DPH6: variants seen among roughly 807,000 people sequenced by gnomAD.
DPH6 encodes diphthine--ammonia ligase.
In DPH6, 33 loss-of-function variants were observed where a neutral mutation model predicts 38.2. That is an observed-to-expected ratio of 0.86 (90% CI 0.65 to 1.15). The LOEUF is 1.15. Ranked by LOEUF, DPH6 falls within the 50% of genes most tolerant of loss-of-function variation. DPH6 has a pLI of 0.00. For missense variants in DPH6, 325 were observed against 320.0 expected, an observed-to-expected ratio of 1.02 and a Z score of -0.12; for synonymous variants, 108 against 103.0, an observed-to-expected ratio of 1.05 and a Z score of -0.30.
the DPH6 span, among the ~76,000 whole-genome samples, chr15:35,150,810 A>C: frequency 1.3e-5 from 2 of 152,248 alleles, no homozygotes; most frequent in Admixed American, 6.5e-5. Flanking sequence ...ACTCGAAAGA[A>C]TCATAGAGAT....
the DPH6 span, among the ~76,000 whole-genome samples, chr15:35,184,700 G>A: frequency 2.6e-5 from 4 of 152,100 alleles, no homozygotes; most frequent in African/African-American, 9.7e-5. Flanking sequence ...GGTTCCAAGG[G>A]TTTATACTAA....
chr15:35,149,289 G>A, the DPH6 span, among the ~76,000 whole-genome samples: 1 of 152,272 alleles, frequency 6.6e-6, no homozygotes, highest in South Asian at 2.1e-4. Context: ...CAGGGCTGGA[G>A]TTCAGTGGCC....
the DPH6 span, among the ~76,000 whole-genome samples, chr15:35,200,088 C>A: frequency 6.6e-6 from 1 of 151,974 alleles, no homozygotes; most frequent in Non-Finnish European, 1.5e-5. Flanking sequence ...AAGAAATAAA[C>A]CTCCTCAAAA....
intron 3 of DPH6, among the ~76,000 whole-genome samples, chr15:35,485,606 T>C (rs1456998777): frequency 1.3e-5 from 2 of 152,200 alleles, no homozygotes; most frequent in East Asian, 1.9e-4. Flanking sequence ...CATGCCTTCA[T>C]TAGTCACTGA....
chr15:35,293,684 A>AG (rs377146482), intron 3 of DPH6, among the ~76,000 whole-genome samples: 47 of 152,198 alleles, frequency 3.1e-4, no homozygotes, highest in African/African-American at 1.1e-3. Flanking sequence ...TGATCTAGCA[A>AG]GGGGGAAAAA....
chr15:35,381,640 G>A (rs188367420), intron 7 of DPH6, among the ~76,000 whole-genome samples, 182 bp downstream of exon 7: 2 of 152,242 alleles, frequency 1.3e-5, no homozygotes, highest in East Asian at 1.9e-4. Flanking sequence ...TGAAGGCCTC[G>A]TCTTGTCAGG....
At chr15:35,152,789 C>T in the DPH6 span, among the ~76,000 whole-genome samples, 3 of 152,288 alleles carry the variant, frequency 2.0e-5, no homozygotes, top group African/African-American at 7.2e-5. Flanking sequence ...GTGAGCCACT[C>T]AGCCCAGCCA....
intron 3 of DPH6, among the ~76,000 whole-genome samples, chr15:35,284,111 A>C (rs2051921544): frequency 6.6e-6 from 1 of 152,140 alleles, no homozygotes. Flanking sequence ...GTGTGATCTG[A>C]TCATCTTCCA....
Position 35,260,568 on chromosome 15 carries a change from G to A in DPH6, n.201-39986C>T, listed in dbSNP as rs1274265603. On this transcript the variant is annotated intron_variant and non_coding_transcript_variant, in intron 3 of 3. Coordinates refer to the DPH6 transcript ENST00000560386. ...TAATATTAAACTTAAGTAATCTGAA[G>A]ACTTCATTTATAAAAAAATGTTTTT... 1.1e-4 allele frequency among the ~76,000 whole-genome samples: 16 copies of A among 151,426 alleles called. No homozygotes were observed. In the South Asian group the frequency reaches 1.5e-3, roughly 14 times the overall value.
intron 3 of DPH6, among the ~76,000 whole-genome samples, chr15:35,505,001 A>C (rs2054676235): frequency 6.6e-6 from 1 of 152,158 alleles, no homozygotes; most frequent in African/African-American, 2.4e-5. Context: ...TGAACCAAAC[A>C]GTGAAGTGTC....
intron 3 of DPH6, among the ~76,000 whole-genome samples, chr15:35,359,477 C>A (rs1459182708): frequency 6.6e-6 from 1 of 152,222 alleles, no homozygotes; most frequent in African/African-American, 2.4e-5. Flanking sequence ...CCCTGCTTCT[C>A]TCCCATTGGA....
intron 3 of DPH6, chr15:35,521,893 C>A: frequency 1.4e-6 from 2 of 1,394,602 alleles, no homozygotes; most frequent in South Asian, 3.6e-5. Context: ...ACATTACATT[C>A]CTTGGGATGA....
chr15:35,479,752 T>C (rs1248705326), intron 3 of DPH6, among the ~76,000 whole-genome samples: 1 of 152,112 alleles, frequency 6.6e-6, no homozygotes, highest in Non-Finnish European at 1.5e-5. Context: ...TAATGATCAC[T>C]ACACTCTCTC....
the DPH6 span, among the ~76,000 whole-genome samples, chr15:35,159,262 C>T: frequency 6.6e-6 from 1 of 152,052 alleles, no homozygotes; most frequent in Admixed American, 6.6e-5. Flanking sequence ...GAACCATGTT[C>T]CCATGTAAGA....
chr15:35,455,987 AT>A (rs2053991282), intron 3 of DPH6, among the ~76,000 whole-genome samples: 1 of 152,180 alleles, frequency 6.6e-6, no homozygotes, highest in Non-Finnish European at 1.5e-5. Flanking sequence ...CAAAAAAGGA[AT>A]TTTTTATGTC....
At chr15:35,226,939 C>A (rs1239983265) in intron 3 of DPH6, among the ~76,000 whole-genome samples, 2 of 152,022 alleles carry the variant, frequency 1.3e-5, no homozygotes, top group Non-Finnish European at 2.9e-5. Flanking sequence ...AGCAGTGAAG[C>A]CATTAGGTTC....
chr15:35,456,075 A>G (rs1046404252), intron 3 of DPH6, among the ~76,000 whole-genome samples: 4 of 152,176 alleles, frequency 2.6e-5, no homozygotes, highest in African/African-American at 9.6e-5. Flanking sequence ...TAAAACGATT[A>G]TTTTTATCAG....
chr15:35,491,214 T>C (rs2054472636), intron 3 of DPH6, among the ~76,000 whole-genome samples: 1 of 150,820 alleles, frequency 6.6e-6, no homozygotes, highest in Admixed American at 6.6e-5. Flanking sequence ...AAATAATGGA[T>C]GGAAGGATAA....
chr15:35,151,514 T>C, the DPH6 span, among the ~76,000 whole-genome samples: 5 of 152,232 alleles, frequency 3.3e-5, no homozygotes, highest in African/African-American at 4.8e-5. Context: ...GGGGCCACCA[T>C]CTGTGTGGCA....
Sources: gnomAD v4.1 joint callset for allele counts (sites outside exome capture counted in the v4.1 genomes callset) on GRCh38, gnomAD v4.1.1 for gene constraint, MANE v1.5 for transcripts, NCBI Gene and HGNC (gene_info 2026-07-23, HGNC 2026-07-21) for gene names.